Variants in TRPC4 observed in about 807,000 individuals in gnomAD.
The protein encoded by TRPC4 is transient receptor potential cation channel subfamily C member 4.
A neutral mutation model predicts 99.4 loss-of-function variants in TRPC4; 49 were observed. That is an observed-to-expected ratio of 0.49 (90% CI 0.39 to 0.63). The LOEUF (loss-of-function observed/expected upper bound fraction) is 0.63. Among genes scored for constraint, TRPC4 ranks in the 20% least tolerant of loss-of-function variants. TRPC4 has a pLI of 0.00. For missense variants in TRPC4, 898 were observed against 1,152.9 expected (o/e 0.78, Z 3.20); for synonymous variants, 454 against 425.9 (o/e 1.07, Z -0.81).
At chr13:37,734,475 T>A (rs1955336707) in intron 3 of TRPC4, among the ~76,000 whole-genome samples, 1 of 152,042 alleles carries the variant, frequency 6.6e-6, no homozygotes, top group African/African-American at 2.4e-5. Flanking sequence ...GGAGCTCCAA[T>A]CCCCTCTGCT....
At chr13:37,823,350 C>T (rs76402812) in intron 1 of TRPC4, among the ~76,000 whole-genome samples, 79,162 of 148,570 alleles carry the variant, frequency 0.53, 21,552 homozygotes, top group East Asian at 0.69. Context: ...CTTGCCCATG[C>T]CTATGTCCTG....
At chr13:37,674,624 T>A (rs190316036) in intron 4 of TRPC4, among the ~76,000 whole-genome samples, 1 of 152,328 alleles carries the variant, frequency 6.6e-6, no homozygotes, top group East Asian at 1.9e-4. Flanking sequence ...TAAGGATAAG[T>A]AGTTTTTAAA....
chr13:37,764,057 C>T (rs1400323478), intron 2 of TRPC4, among the ~76,000 whole-genome samples: 1 of 151,448 alleles, frequency 6.6e-6, no homozygotes, highest in East Asian at 2.0e-4. Context: ...TGCTAAAATC[C>T]CCAAGCAATG....
chr13:37,744,569 GA>G (rs1265031625), intron 3 of TRPC4, among the ~76,000 whole-genome samples: 1 of 152,054 alleles, frequency 6.6e-6, no homozygotes, highest in Non-Finnish European at 1.5e-5. Context: ...ACAACTAGAG[GA>G]AAAAATTGAG....
intron 3 of TRPC4, among the ~76,000 whole-genome samples, chr13:37,712,662 T>C (rs977560965): frequency 1.3e-5 from 2 of 152,178 alleles, no homozygotes; most frequent in South Asian, 2.1e-4. Flanking sequence ...TCAGTTTTTA[T>C]GTGGGAGCAT....
intron 3 of TRPC4, among the ~76,000 whole-genome samples, chr13:37,734,203 T>C (rs1247414423): frequency 2.0e-5 from 3 of 152,180 alleles, no homozygotes; most frequent in Non-Finnish European, 2.9e-5. Context: ...GAAACTCAAT[T>C]AAGGTGTTTT....
chr13:37,669,623 G>A (rs545928500), intron 5 of TRPC4, among the ~76,000 whole-genome samples: 41 of 151,856 alleles, frequency 2.7e-4, no homozygotes, highest in African/African-American at 8.7e-4. Flanking sequence ...CAAATACTGC[G>A]TTTTTATATT....
intron 2 of TRPC4, among the ~76,000 whole-genome samples, chr13:37,772,764 G>A (rs1047782782): frequency 2.0e-5 from 3 of 151,690 alleles, no homozygotes; most frequent in Non-Finnish European, 4.4e-5. Flanking sequence ...CATGGATGGC[G>A]GGATCTATTT....
In TRPC4 at chr13:37,636,148, T is replaced by C. The variant is rs1951511831; in HGVS notation, c.*755A>G. 6.6e-6 allele frequency among the ~76,000 whole-genome samples: 1 copy of C among 152,072 alleles called. No homozygotes were observed. The highest frequency in any genetic ancestry group is 1.9e-4 in the East Asian group (1 of 5,198). On this transcript the variant is annotated 3_prime_UTR_variant, in exon 11 of 11. Transcript: ENST00000379705. Reference sequence around the variant, plus strand: ...TTGAAATTCAGTTATTCATAAAGACTCATATTTATACTGATAAGCAGTTGA... The same window carrying C: ...TTGAAATTCAGTTATTCATAAAGACCCATATTTATACTGATAAGCAGTTGA...
At chr13:37,656,954 G>A (rs1952258355) in intron 6 of TRPC4, among the ~76,000 whole-genome samples, 1 of 152,066 alleles carries the variant, frequency 6.6e-6, no homozygotes, top group South Asian at 2.1e-4. Flanking sequence ...AAGACTGAAG[G>A]GCTATAATTC....
rs902864872 is a variant in TRPC4 at position 37,827,547 on chromosome 13, T to C, written c.-28+42048A>G. On this transcript the variant is annotated intron_variant, in intron 1 of 10. Coordinates refer to ENST00000379705, the MANE Select transcript of TRPC4 (RefSeq NM_016179.4). ...TACCCTGCGGTGTGAGGTGTCAGTG[T>C]GCCCCTGCTGGGGGGTGCCTCCCAG... Among the ~76,000 whole-genome samples the C allele has an allele frequency of 7.0e-4, 106 of 152,254 alleles. No homozygotes were observed. The East Asian group carries it at 0.014, about 19-fold the overall frequency.
intron 3 of TRPC4, among the ~76,000 whole-genome samples, chr13:37,734,805 A>T (rs1164690655): frequency 6.6e-6 from 1 of 152,182 alleles, no homozygotes; most frequent in Non-Finnish European, 1.5e-5. Flanking sequence ...TCCATCATTT[A>T]ACACTGTATC....
chr13:37,723,280 A>C (rs1459980891), intron 3 of TRPC4, among the ~76,000 whole-genome samples: 1 of 152,200 alleles, frequency 6.6e-6, no homozygotes, highest in African/African-American at 2.4e-5. Flanking sequence ...TACAATATGT[A>C]AACAAAGCAT....
intron 3 of TRPC4, among the ~76,000 whole-genome samples, chr13:37,706,680 C>T (rs916564480): frequency 1.3e-5 from 2 of 151,122 alleles, no homozygotes; most frequent in African/African-American, 4.9e-5. Flanking sequence ...TTCCTGTGTC[C>T]ATGTGTTCTC....
At position 37,851,920 on chromosome 13, in the gene TRPC4, T is replaced by G. The variant is rs1274283785; in HGVS notation, c.-28+17675A>C. ...AGCCTTGCTGGACTCAGCCAGTGCC[T>G]GTGCACAGAGGGAGCATTTGAACTA... On this transcript the variant is annotated intron_variant, in intron 1 of 10. Coordinates refer to ENST00000379705, the MANE Select transcript of TRPC4 (RefSeq NM_016179.4). 3.3e-5 allele frequency among the ~76,000 whole-genome samples: 5 copies of G among 152,186 alleles called. No individual in the cohort carries two copies. The East Asian group carries it at 7.7e-4, about 23-fold the overall frequency.
intron 1 of TRPC4, among the ~76,000 whole-genome samples, chr13:37,863,731 C>T (rs375133010): frequency 4.6e-5 from 7 of 151,692 alleles, no homozygotes; most frequent in South Asian, 2.1e-4. Context: ...TACACTATGC[C>T]TGTCCTCTCA....
chr13:37,675,251 T>C (rs1313192442), intron 4 of TRPC4, among the ~76,000 whole-genome samples: 1 of 152,158 alleles, frequency 6.6e-6, no homozygotes, highest in Non-Finnish European at 1.5e-5. Flanking sequence ...AAATTAACTA[T>C]AAAAATCATA....
chr13:37,838,007 T>C (rs908290605), intron 1 of TRPC4, among the ~76,000 whole-genome samples: 5 of 152,204 alleles, frequency 3.3e-5, no homozygotes, highest in African/African-American at 7.2e-5. Flanking sequence ...TCTCTCTCTT[T>C]GCCTGATGCC....
intron 4 of TRPC4, among the ~76,000 whole-genome samples, chr13:37,688,279 C>G (rs1401166357): frequency 2.6e-5 from 4 of 152,100 alleles, no homozygotes; most frequent in Non-Finnish European, 5.9e-5. Context: ...ATGTAAAACA[C>G]AATAGATTTA....
Sources: gnomAD v4.1 joint callset for allele counts (sites outside exome capture counted in the v4.1 genomes callset) on GRCh38, gnomAD v4.1.1 for gene constraint, MANE v1.5 for transcripts, NCBI Gene and HGNC (gene_info 2026-07-23, HGNC 2026-07-21) for gene names.